Variants in MIPOL1 observed in about 807,000 individuals in gnomAD.
The protein encoded by MIPOL1 is mirror-image polydactyly gene 1 protein.
Under a neutral mutation model 60.9 loss-of-function variants are expected in MIPOL1, and 57 were observed. That is an observed-to-expected ratio of 0.94 (90% confidence interval 0.76 to 1.17). The LOEUF is 1.17. Ranked by LOEUF, MIPOL1 falls within the 50% of genes most tolerant of loss-of-function variation. MIPOL1 has a pLI of 0.00. For missense variants in MIPOL1, 551 were observed against 511.6 expected (o/e 1.08, Z -0.74); for synonymous variants, 179 against 168.8 (o/e 1.06, Z -0.47).
At chr14:37,526,183 A>G (rs1445151857) in intron 12 of MIPOL1, among the ~76,000 whole-genome samples, 1 of 150,792 alleles carries the variant, frequency 6.6e-6, no homozygotes, top group East Asian at 2.0e-4. Flanking sequence ...TAGTCAGTGT[A>G]GTTGTATATA....
intron 6 of MIPOL1, among the ~76,000 whole-genome samples, chr14:37,274,864 T>C (rs1412325484): frequency 6.6e-6 from 1 of 151,308 alleles, no homozygotes; most frequent in Non-Finnish European, 1.5e-5. Context: ...CTTCTTCATC[T>C]AATAGAGGAC....
At chr14:37,385,450 G>C (rs922004711) in intron 10 of MIPOL1, 1 of 152,078 alleles carries the variant, frequency 6.6e-6, no homozygotes, top group Non-Finnish European at 1.5e-5. Context: ...GTGGTTGTCC[G>C]TGACAGCAGC....
chr14:37,355,569 C>T (rs1303915365), intron 9 of MIPOL1, among the ~76,000 whole-genome samples: 1 of 142,712 alleles, frequency 7.0e-6, no homozygotes, highest in East Asian at 2.1e-4. Flanking sequence ...TTGGTCTTTT[C>T]ACATAGTCTC....
intron 7 of MIPOL1, among the ~76,000 whole-genome samples, chr14:37,290,771 G>A (rs1271867630): frequency 6.6e-6 from 1 of 152,050 alleles, no homozygotes; most frequent in African/African-American, 2.4e-5. Flanking sequence ...AAGTAAACTT[G>A]GGTTGTGGGG....
At chr14:37,511,414 C>T (rs963784670) in intron 12 of MIPOL1, among the ~76,000 whole-genome samples, 5 of 151,946 alleles carry the variant, frequency 3.3e-5, no homozygotes, top group African/African-American at 9.7e-5. Context: ...GTGGTTATGT[C>T]GAGGTAAAGG....
At chr14:37,387,922 A>C (rs2093120366) in intron 10 of MIPOL1, among the ~76,000 whole-genome samples, 1 of 151,942 alleles carries the variant, frequency 6.6e-6, no homozygotes. Context: ...TAAATAAAGG[A>C]AACTTGAGGT....
At chr14:37,520,656 T>G (rs559025971) in intron 12 of MIPOL1, among the ~76,000 whole-genome samples, 4 of 152,148 alleles carry the variant, frequency 2.6e-5, no homozygotes, top group Non-Finnish European at 5.9e-5. Flanking sequence ...AAACATATTT[T>G]TTTGCATTGG....
At chr14:37,217,469 T>C (rs887606578) in intron 1 of MIPOL1, among the ~76,000 whole-genome samples, 53 of 152,178 alleles carry the variant, frequency 3.5e-4, no homozygotes, top group Non-Finnish European at 2.9e-5. Flanking sequence ...CCAATCTCTC[T>C]GATGGATATT....
chr14:37,443,692 G>C (rs1467460007), intron 11 of MIPOL1, among the ~76,000 whole-genome samples: 3 of 146,412 alleles, frequency 2.0e-5, no homozygotes, highest in Non-Finnish European at 3.0e-5. Flanking sequence ...ATGAAAACTA[G>C]ATGAGGGCAT....
At chr14:37,479,675 G>A (rs1421921096) in intron 11 of MIPOL1, among the ~76,000 whole-genome samples, 1 of 151,852 alleles carries the variant, frequency 6.6e-6, no homozygotes, top group Non-Finnish European at 1.5e-5. Flanking sequence ...CAGAAGGAAG[G>A]AAATAATAAA....
chr14:37,453,790 T>C (rs1451535688), intron 11 of MIPOL1, among the ~76,000 whole-genome samples: 1 of 152,238 alleles, frequency 6.6e-6, no homozygotes, highest in East Asian at 1.9e-4. Context: ...CAAAGCATCC[T>C]AATCAAAACC....
At chr14:37,496,556 T>A (rs1312065595) in intron 11 of MIPOL1, among the ~76,000 whole-genome samples, 1 of 145,458 alleles carries the variant, frequency 6.9e-6, no homozygotes, top group Admixed American at 6.9e-5. Flanking sequence ...TCACAATTGC[T>A]TCAAAGAGAA....
At chr14:37,273,377 T>G (rs2083433890) in intron 6 of MIPOL1, among the ~76,000 whole-genome samples, 1 of 149,912 alleles carries the variant, frequency 6.7e-6, no homozygotes, top group African/African-American at 2.4e-5. Context: ...AAGATGTGAT[T>G]TTTTTTTTAG....
intron 7 of MIPOL1, among the ~76,000 whole-genome samples, chr14:37,295,656 A>T (rs972845968): frequency 1.6e-4 from 25 of 152,198 alleles, no homozygotes; most frequent in African/African-American, 6.0e-4. Context: ...TTGCAATCCT[A>T]GTCTTTGATA....
At chr14:37,403,372 T>C (rs1158768065) in intron 10 of MIPOL1, among the ~76,000 whole-genome samples, 2 of 151,746 alleles carry the variant, frequency 1.3e-5, no homozygotes, top group African/African-American at 4.8e-5. Flanking sequence ...ATTATGTAAA[T>C]GTTGAAATTT....
intron 11 of MIPOL1, among the ~76,000 whole-genome samples, chr14:37,454,411 T>C (rs1304582996): frequency 6.6e-6 from 1 of 152,226 alleles, no homozygotes; most frequent in East Asian, 1.9e-4. Context: ...ATAGACCTTA[T>C]TTTTGGCAGT....
At chr14:37,332,618 C>A (rs1397461838) in intron 9 of MIPOL1, among the ~76,000 whole-genome samples, 2 of 152,100 alleles carry the variant, frequency 1.3e-5, no homozygotes, top group East Asian at 3.9e-4. Context: ...AGAGAAAATA[C>A]ATTTACAATA....
At chr14:37,273,358 T>G (rs2083432533) in intron 6 of MIPOL1, among the ~76,000 whole-genome samples, 1 of 150,950 alleles carries the variant, frequency 6.6e-6, no homozygotes, top group Non-Finnish European at 1.5e-5. Context: ...AAAAAAACAT[T>G]GCTTTCAAAA....
chr14:37,403,047 C>G (rs1017561880), intron 10 of MIPOL1, among the ~76,000 whole-genome samples: 27 of 152,178 alleles, frequency 1.8e-4, no homozygotes, highest in African/African-American at 6.5e-4. Flanking sequence ...ATATTCCTGC[C>G]TAGTGCGAAG....
Sources: allele counts gnomAD v4.1 joint callset (sites outside exome capture counted in the v4.1 genomes callset), GRCh38; gene constraint gnomAD v4.1.1; transcripts MANE v1.5; gene names NCBI Gene and HGNC (gene_info 2026-07-23, HGNC 2026-07-21).